PSD2: variants seen among roughly 807,000 people sequenced by gnomAD.
PSD2 encodes the protein pleckstrin and Sec7 domain containing 2.
PSD2 carries 38 observed loss-of-function variants against 69.8 expected under a neutral mutation model. The observed-to-expected ratio is 0.54, with a 90% CI of 0.42 to 0.71. The LOEUF (loss-of-function observed/expected upper bound fraction) is 0.71, where lower values mean the gene tolerates loss of function less well. Among genes scored for constraint, PSD2 ranks in the 30% least tolerant of loss-of-function variants. PSD2 has a pLI of 0.00. For missense variants in PSD2, 943 were observed against 1,014.5 expected (o/e 0.93, Z 0.96); for synonymous variants, 412 against 423.0 (o/e 0.97, Z 0.32).
chr5:139,774,573 G>A, the PSD2 span, among the ~76,000 whole-genome samples: 4 of 152,052 alleles, frequency 2.6e-5, no homozygotes, highest in Admixed American at 6.5e-5. Context: ...TCACTGCAAC[G>A]TCTGCCTCCT....
At chr5:139,779,767 C>T in the PSD2 span, among the ~76,000 whole-genome samples, 4 of 152,154 alleles carry the variant, frequency 2.6e-5, no homozygotes, top group Non-Finnish European at 5.9e-5. Flanking sequence ...TCATAATCAT[C>T]GAATCATGCA....
In PSD2 at chr5:139,842,495, C is replaced by A; in HGVS notation, c.*21C>A. 5 of 1,605,906 alleles carry A rather than the reference C, an allele frequency of 3.1e-6. No individual in the cohort carries two copies. Among genetic ancestry groups the A allele is most frequent in the Non-Finnish European group, 3.4e-6 (4 of 1,174,206 alleles). On this transcript the variant is annotated 3_prime_UTR_variant, in exon 15 of 15. Transcript: ENST00000274710. ...CTTAGCTGACATGGATTTGCAGACC[C>A]CAGGGTGGGCAGATGTCTCCAGTGG...
chr5:139,800,580 T>C (rs140462943), intron 1 of PSD2, among the ~76,000 whole-genome samples: 1 of 152,324 alleles, frequency 6.6e-6, no homozygotes, highest in East Asian at 1.9e-4. Flanking sequence ...CGGCCCTCAC[T>C]TGCTCTTCTA....
chr5:139,762,717 C>A, the PSD2 span, among the ~76,000 whole-genome samples: 1 of 152,118 alleles, frequency 6.6e-6, no homozygotes, highest in Non-Finnish European at 1.5e-5. Flanking sequence ...AGACAGTACT[C>A]CACTCAGAAA....
chr5:139,756,545 T>A, the PSD2 span, among the ~76,000 whole-genome samples: 1 of 152,078 alleles, frequency 6.6e-6, no homozygotes, highest in Non-Finnish European at 1.5e-5. Flanking sequence ...TTGGGGGTAG[T>A]TTCGTGGAGG....
chr5:139,766,658 T>C, the PSD2 span, among the ~76,000 whole-genome samples: 3 of 152,186 alleles, frequency 2.0e-5, no homozygotes, highest in Non-Finnish European at 2.9e-5. Flanking sequence ...TCCCTTAGAC[T>C]TAAAGGTCCT....
At chr5:139,807,350 GC>G (rs985578197) in intron 1 of PSD2, among the ~76,000 whole-genome samples, 11 of 149,328 alleles carry the variant, frequency 7.4e-5, no homozygotes, top group African/African-American at 2.5e-4. Context: ...CTTTCTAAAT[GC>G]CCCCCCTCCC....
chr5:139,831,682 A>G (rs1167226131), intron 7 of PSD2, among the ~76,000 whole-genome samples: 1 of 152,182 alleles, frequency 6.6e-6, no homozygotes, highest in Non-Finnish European at 1.5e-5. Flanking sequence ...TCCTGTTATC[A>G]TGCTTTTAAC....
chr5:139,817,649 A>G, intron 5 of PSD2, 88 bp downstream of exon 5: 1 of 1,193,950 alleles, frequency 8.4e-7, no homozygotes, highest in Non-Finnish European at 1.2e-6. Context: ...AACTTGCTGT[A>G]CAACCTTGGG....
Position 139,821,622 on chromosome 5 carries a change from T to G in PSD2, c.1098-271T>G, listed in dbSNP as rs1331749911. ...CTGAGGTGCTCTTCTGTCTTTGTTC[T>G]TCACCATCTGTCCTCTGCCTAATTT... On this transcript the variant is annotated intron_variant, in intron 5 of 14. Transcript: ENST00000274710. 3.2e-4 allele frequency among the ~76,000 whole-genome samples: 49 copies of G among 152,202 alleles called. 1 individual carries two copies. Among genetic ancestry groups the G allele is most frequent in the Non-Finnish European group, 1.0e-4 (7 of 68,026 alleles).
intron 6 of PSD2, 35 bp from the exon 7 acceptor site, chr5:139,822,691 T>C (rs1341901711): frequency 3.8e-6 from 6 of 1,589,616 alleles, no homozygotes; most frequent in Non-Finnish European, 5.2e-6. Flanking sequence ...AGAGGTTGGA[T>C]CCTCGCACTG....
chr5:139,826,701 T>TA (rs1760429989), intron 7 of PSD2, among the ~76,000 whole-genome samples: 1 of 152,212 alleles, frequency 6.6e-6, no homozygotes, highest in Non-Finnish European at 1.5e-5. Context: ...GACAGCTACT[T>TA]ACTGTTTGAA....
intron 7 of PSD2, among the ~76,000 whole-genome samples, chr5:139,824,244 G>T (rs2126952291): frequency 6.6e-6 from 1 of 152,308 alleles, no homozygotes; most frequent in African/African-American, 2.4e-5. Context: ...TGGGCCAAGA[G>T]CACCCCGCAG....
At chr5:139,746,988 T>C in the PSD2 span, among the ~76,000 whole-genome samples, 1 of 152,120 alleles carries the variant, frequency 6.6e-6, no homozygotes, top group Non-Finnish European at 1.5e-5. This position sits in a 1 kb window ranked among gnomAD's most constrained non-coding sequence, Gnocchi z 4.5. Flanking sequence ...TCTGCCAGTA[T>C]CCTGTCCCCT....
At chr5:139,820,182 G>A (rs539483317) in intron 5 of PSD2, among the ~76,000 whole-genome samples, 15 of 152,270 alleles carry the variant, frequency 9.9e-5, no homozygotes, top group African/African-American at 3.1e-4. Context: ...TGGTGGTGGC[G>A]GCACGGGGTT....
intron 7 of PSD2, among the ~76,000 whole-genome samples, chr5:139,833,115 G>A (rs1235297419): frequency 6.6e-6 from 1 of 152,116 alleles, no homozygotes; most frequent in African/African-American, 2.4e-5. Context: ...GAGAGGGCGA[G>A]ACAGTTGTGG....
At chr5:139,752,669 GGCACAGAAACACACACAAGGGCACACAA>G in the PSD2 span, among the ~76,000 whole-genome samples, 1 of 152,112 alleles carries the variant, frequency 6.6e-6, no homozygotes, top group Non-Finnish European at 1.5e-5. Context: ...GGTACACACA[GGCACAGAAACACACACAAGGGCACACAA>G]GCACATCTGC....
At position 139,844,291 on chromosome 5, in the gene PSD2, G is replaced by C. The variant is rs1760945963; in HGVS notation, c.*1817G>C. 6.6e-6 allele frequency: 1 copy of C among 152,190 alleles called. No individual in the cohort carries two copies. Among genetic ancestry groups the C allele is most frequent in the African/African-American group, 2.4e-5 (1 of 41,434 alleles). The allele number at this position is 152,190 out of a possible 1,614,324, so 9.4% of individuals were successfully genotyped here. ...GGACAGATGTGCTTCCTGAGCATGGGTTGTGCCTCCCATCAGTAAAAAAAT... is the reference window on the plus strand; with the variant it reads ...GGACAGATGTGCTTCCTGAGCATGGCTTGTGCCTCCCATCAGTAAAAAAAT... On this transcript the variant is annotated 3_prime_UTR_variant, in exon 15 of 15. Coordinates refer to ENST00000274710, the MANE Select transcript of PSD2 (RefSeq NM_032289.4).
At chr5:139,796,623 G>A (rs373900122) in intron 1 of PSD2, among the ~76,000 whole-genome samples, 1 of 152,342 alleles carries the variant, frequency 6.6e-6, no homozygotes, top group African/African-American at 2.4e-5. Context: ...TGCTGGGGCT[G>A]GGTGCAGAGG....
Sources: allele counts gnomAD v4.1 joint callset (sites outside exome capture counted in the v4.1 genomes callset), GRCh38; gene constraint gnomAD v4.1.1; non-coding constraint Gnocchi (gnomAD v3.1); transcripts MANE v1.5; gene names NCBI Gene and HGNC (gene_info 2026-07-23, HGNC 2026-07-21).